DOCK3: variants seen among roughly 807,000 people sequenced by gnomAD.
DOCK3 encodes the protein dedicator of cytokinesis 3, also known as dedicator of cytokinesis protein 3.
DOCK3 carries 60 observed loss-of-function variants against 265.6 expected under a neutral mutation model. The ratio of observed to expected loss-of-function variants is 0.23; its 90% CI spans 0.18 to 0.28. The LOEUF (loss-of-function observed/expected upper bound fraction) is 0.28. Among genes scored for constraint, DOCK3 ranks in the 10% least tolerant of loss-of-function variants. The pLI, the probability that DOCK3 is intolerant of heterozygous loss-of-function variation, is 1.00. For synonymous variants in DOCK3, 881 were observed against 938.0 expected (o/e 0.94, Z 1.11); for missense variants, 1,981 against 2,594.3 (o/e 0.76, Z 5.14).
At chr3:51,037,692 G>A (rs1000911626) in intron 5 of DOCK3, among the ~76,000 whole-genome samples, 10 of 151,958 alleles carry the variant, frequency 6.6e-5, no homozygotes, top group South Asian at 2.1e-4. Flanking sequence ...TTTCTTCTTC[G>A]TCTCATTGTT....
intron 10 of DOCK3, among the ~76,000 whole-genome samples, chr3:51,154,817 A>T (rs1205559324): frequency 6.6e-6 from 1 of 152,198 alleles, no homozygotes; most frequent in East Asian, 1.9e-4. Context: ...CATTTTAATT[A>T]TCCATATGAG....
intron 1 of DOCK3, among the ~76,000 whole-genome samples, chr3:50,777,011 C>G (rs2262811): frequency 6.6e-6 from 1 of 152,110 alleles, no homozygotes; most frequent in Non-Finnish European, 1.5e-5. Context: ...GTGAGCCAAG[C>G]GAAACAGGTT....
intron 10 of DOCK3, among the ~76,000 whole-genome samples, chr3:51,148,686 T>C (rs1328355880): frequency 6.6e-6 from 1 of 152,236 alleles, no homozygotes; most frequent in Non-Finnish European, 1.5e-5. Flanking sequence ...ACCTCTGTTC[T>C]GTTCCATTGG....
intron 1 of DOCK3, among the ~76,000 whole-genome samples, chr3:50,755,652 C>T (rs1440809857): frequency 6.6e-6 from 1 of 152,104 alleles, no homozygotes; most frequent in Admixed American, 6.6e-5. Context: ...ACTCTGTGCC[C>T]AATAGCAATC....
Position 51,203,537 on chromosome 3 carries a change from A to T in DOCK3, c.1038-5237A>T, listed in dbSNP as rs541139171. Among the ~76,000 whole-genome samples, 10 of 152,344 alleles carry T rather than the reference A, an allele frequency of 6.6e-5. No homozygotes were observed. In the South Asian group the frequency reaches 1.7e-3, roughly 25 times the overall value. On this transcript the variant is annotated intron_variant, in intron 12 of 52. Transcript: ENST00000266037. ...AGAGGATACAAACAAATGGAAGAAC[A>T]TTCCATGCTCATGGATAGGAAGAAT...
At chr3:51,136,624 A>T (rs1437655582) in intron 9 of DOCK3, among the ~76,000 whole-genome samples, 1 of 152,132 alleles carries the variant, frequency 6.6e-6, no homozygotes, top group Non-Finnish European at 1.5e-5. Flanking sequence ...ACCAGACTTG[A>T]GGACAGGAAT....
rs566489119 is a variant in DOCK3, at chr3:51,200,197, C to T, written c.1038-8577C>T. On this transcript the variant is annotated intron_variant, in intron 12 of 52. Coordinates refer to ENST00000266037, the MANE Select transcript of DOCK3 (RefSeq NM_004947.5). The stretch of plus-strand genomic sequence containing the variant: ...AAAGCTGGTTGGAGAATGACTTTGA[C>T]GAGTTGAGAGAAGAAGGCTTCAGAC... 1.7e-3 allele frequency among the ~76,000 whole-genome samples: 258 copies of T among 152,068 alleles called. 1 individual carries two copies. Among genetic ancestry groups the T allele is most frequent in the African/African-American group, 5.7e-3 (237 of 41,470 alleles).
In DOCK3 at chr3:51,361,219, G is replaced by A. The variant is rs2086711122; in HGVS notation, c.5006+587G>A. On this transcript the variant is annotated intron_variant, in intron 47 of 52. Transcript: ENST00000266037. The surrounding 1 kb of genome is among the most constrained non-coding windows in gnomAD (Gnocchi z 4.2). The stretch of plus-strand genomic sequence containing the variant: ...CTAGGCCAGGAAGGCCAAGTTGGAG[G>A]AGGAGACTAGTGAGAGGAGCCCCTC... Among the ~76,000 whole-genome samples the A allele has an allele frequency of 6.6e-6, 1 of 152,250 alleles. No homozygotes were observed. Among genetic ancestry groups the A allele is most frequent in the Non-Finnish European group, 1.5e-5 (1 of 68,046 alleles).
chr3:50,793,808 C>T (rs1320515973), intron 2 of DOCK3, among the ~76,000 whole-genome samples: 3 of 152,076 alleles, frequency 2.0e-5, no homozygotes, highest in Non-Finnish European at 4.4e-5. Context: ...TCTTAGCTCC[C>T]TAATTCTTTT....
intron 5 of DOCK3, among the ~76,000 whole-genome samples, chr3:50,968,830 G>C (rs991082953): frequency 6.6e-6 from 1 of 152,164 alleles, no homozygotes; most frequent in Admixed American, 6.5e-5. Flanking sequence ...GATTACAGGC[G>C]TGAGCCACTG....
At chr3:50,798,506 G>A (rs781781509) in intron 2 of DOCK3, among the ~76,000 whole-genome samples, 5 of 152,182 alleles carry the variant, frequency 3.3e-5, no homozygotes, top group Non-Finnish European at 7.3e-5. Context: ...AGTGTCCTGG[G>A]GGAAGCAGAT....
intron 12 of DOCK3, among the ~76,000 whole-genome samples, chr3:51,185,400 A>G (rs2087538490): frequency 6.6e-6 from 1 of 152,216 alleles, no homozygotes; most frequent in Non-Finnish European, 1.5e-5. Context: ...TTCTGTACTA[A>G]GGAGCAGAGG....
At chr3:51,380,316 C>T (rs1553618169) in intron 52 of DOCK3, 109 bp downstream of exon 52, 3 of 1,055,164 alleles carry the variant, frequency 2.8e-6, no homozygotes, top group Non-Finnish European at 4.0e-6. Context: ...CCCTTCACCT[C>T]TCTCCCCAGC....
At chr3:51,192,830 A>G (rs1312554583) in intron 12 of DOCK3, among the ~76,000 whole-genome samples, 1 of 152,040 alleles carries the variant, frequency 6.6e-6, no homozygotes, top group Non-Finnish European at 1.5e-5. Flanking sequence ...GCCATTCCTG[A>G]TTCTCCATCA....
intron 5 of DOCK3, among the ~76,000 whole-genome samples, chr3:50,970,502 T>A (rs2077166354): frequency 1.3e-5 from 2 of 152,016 alleles, no homozygotes; most frequent in African/African-American, 4.8e-5. Flanking sequence ...TTTTTCTTTA[T>A]TTTTGTCTGT....
intron 5 of DOCK3, among the ~76,000 whole-genome samples, chr3:50,953,771 AT>A (rs2076655625): frequency 6.6e-6 from 1 of 152,132 alleles, no homozygotes; most frequent in African/African-American, 2.4e-5. Flanking sequence ...AAGAGAGTGA[AT>A]TTGGATGTGA....
chr3:51,062,480 A>G (rs2081443083), intron 5 of DOCK3, among the ~76,000 whole-genome samples: 3 of 152,128 alleles, frequency 2.0e-5, no homozygotes. Context: ...CAGCTCCCAA[A>G]AAGTCTTTCC....
intron 1 of DOCK3, among the ~76,000 whole-genome samples, chr3:50,715,318 A>AGGT (rs1197644418): frequency 7.2e-5 from 11 of 152,162 alleles, no homozygotes; most frequent in African/African-American, 2.7e-4. Flanking sequence ...TGGGAGACTG[A>AGGT]GGTGGGTGGA....
At chr3:50,964,263 A>G (rs2076967052) in intron 5 of DOCK3, among the ~76,000 whole-genome samples, 2 of 152,218 alleles carry the variant, frequency 1.3e-5, no homozygotes, top group African/African-American at 4.8e-5. Flanking sequence ...AATTATAGAA[A>G]TTTAGAAACA....
Sources: gnomAD v4.1 joint callset for allele counts (sites outside exome capture counted in the v4.1 genomes callset) on GRCh38, gnomAD v4.1.1 for gene constraint, Gnocchi (gnomAD v3.1) non-coding constraint, MANE v1.5 for transcripts, NCBI Gene and HGNC (gene_info 2026-07-23, HGNC 2026-07-21) for gene names.